PARG: variants seen among roughly 807,000 people sequenced by gnomAD.
PARG encodes mitochondrial poly(ADP-ribose) glycohydrolase.
In PARG, 35 loss-of-function variants were observed where a neutral mutation model predicts 113.0. The observed-to-expected ratio is 0.31, with a 90% confidence interval of 0.24 to 0.41. The LOEUF (loss-of-function observed/expected upper bound fraction) is 0.41. PARG is among the 10% of genes least tolerant of loss of function. The probability of loss-of-function intolerance (pLI) is 1.00; values close to 1 mark genes in which losing one functional copy is unlikely to be tolerated. For synonymous variants in PARG, 330 were observed against 409.9 expected, an observed-to-expected ratio of 0.81 and a Z score of 2.36; for missense variants, 797 against 1,169.4, an observed-to-expected ratio of 0.68 and a Z score of 4.64.
At chr10:49,891,141 T>C (rs1372099767) in intron 7 of PARG, among the ~76,000 whole-genome samples, 3 of 151,924 alleles carry the variant, frequency 2.0e-5, no homozygotes, top group African/African-American at 7.3e-5. Context: ...GGTGAAACCC[T>C]ATCTTTACTA....
chr10:49,866,192 T>C (rs1357533533), intron 10 of PARG, among the ~76,000 whole-genome samples: 3 of 152,144 alleles, frequency 2.0e-5, no homozygotes, highest in African/African-American at 7.2e-5. Context: ...CAGAAGTAAT[T>C]TGTCTGATTC....
At chr10:49,876,988 T>G (rs1176329376) in intron 9 of PARG, among the ~76,000 whole-genome samples, 1 of 151,248 alleles carries the variant, frequency 6.6e-6, no homozygotes, top group Non-Finnish European at 1.5e-5. Context: ...TTTAAAGAAA[T>G]TTTCTTAGAT....
At chr10:49,885,663 A>G (rs1443000367) in intron 7 of PARG, among the ~76,000 whole-genome samples, 1 of 150,794 alleles carries the variant, frequency 6.6e-6, no homozygotes, top group Non-Finnish European at 1.5e-5. Context: ...GCTAGACACC[A>G]AGGACTTTCT....
At chr10:49,914,547 G>A (rs1334774156) in intron 7 of PARG, among the ~76,000 whole-genome samples, 3 of 152,210 alleles carry the variant, frequency 2.0e-5, no homozygotes, top group African/African-American at 4.8e-5. Flanking sequence ...TTAACGTGAT[G>A]TAAGAGTTGC....
At chr10:49,846,372 T>C (rs1845508004) in intron 13 of PARG, among the ~76,000 whole-genome samples, 1 of 113,616 alleles carries the variant, frequency 8.8e-6, no homozygotes. Flanking sequence ...GTGATAGACA[T>C]GTTTTTTTTT....
chr10:49,835,201 G>C (rs1292051181), intron 15 of PARG, among the ~76,000 whole-genome samples: 1 of 152,150 alleles, frequency 6.6e-6, no homozygotes, highest in Non-Finnish European at 1.5e-5. Context: ...CACAGCGAAA[G>C]GCATTAGGAG....
At chr10:49,913,251 AT>A (rs1554846781) in intron 7 of PARG, among the ~76,000 whole-genome samples, 3 of 152,232 alleles carry the variant, frequency 2.0e-5, no homozygotes, top group Non-Finnish European at 2.9e-5. Flanking sequence ...CATCCAAGGT[AT>A]TTTGTTAAGT....
chr10:49,887,722 T>C (rs1488296472), intron 7 of PARG, among the ~76,000 whole-genome samples: 8 of 152,162 alleles, frequency 5.3e-5, no homozygotes, highest in Non-Finnish European at 1.0e-4. Context: ...AGAGGCACTT[T>C]GGTTGTTTTC....
intron 16 of PARG, among the ~76,000 whole-genome samples, chr10:49,822,003 C>G (rs1564589261): frequency 6.6e-6 from 1 of 152,060 alleles, no homozygotes; most frequent in Non-Finnish European, 1.5e-5. Flanking sequence ...ACAAGGTTTG[C>G]TTACCATAGT....
intron 11 of PARG, among the ~76,000 whole-genome samples, chr10:49,864,318 T>C (rs1387147767): frequency 1.3e-5 from 2 of 151,726 alleles, no homozygotes; most frequent in Non-Finnish European, 3.0e-5. Flanking sequence ...CCTCTATTAA[T>C]AATCATCTAA....
At chr10:49,853,888 C>A (rs1277630906) in intron 13 of PARG, among the ~76,000 whole-genome samples, 1 of 152,120 alleles carries the variant, frequency 6.6e-6, no homozygotes, top group Non-Finnish European at 1.5e-5. Flanking sequence ...CTCCTTTATC[C>A]ATGGGTGCTT....
intron 7 of PARG, among the ~76,000 whole-genome samples, chr10:49,898,594 AAC>A (rs1848208001): frequency 6.6e-6 from 1 of 151,370 alleles, no homozygotes; most frequent in Admixed American, 6.6e-5. Flanking sequence ...CCCTTGAACT[AAC>A]AGTCAAGCTC....
intron 7 of PARG, among the ~76,000 whole-genome samples, chr10:49,911,128 C>T (rs1469045693): frequency 6.6e-6 from 1 of 151,912 alleles, no homozygotes; most frequent in Admixed American, 6.6e-5. Context: ...ACTAAAAATA[C>T]AAAAATTAGC....
At position 49,922,668 on chromosome 10, in the gene PARG, A is replaced by C. The variant is rs1365987664; in HGVS notation, c.1457T>G (p.Val486Gly). Residue 486 changes from valine (V) to glycine (G), a missense_variant and splice_region_variant, in exon 5 of 18, where the codon GTA (valine) becomes GGA (glycine). By Grantham distance (109) the Val-to-Gly change is moderately radical. Transcript: ENST00000616448. ...PSANHTVTIR[V>G]DLLRAGEVPK... The stretch of plus-strand genomic sequence containing the variant: ...AACTTCTCCTGCTCGCAAAAGATCT[A>C]CCTGAAATTGAGGGTAAACAAAATT... 88 of 1,557,320 alleles carry C rather than the reference A, an allele frequency of 5.7e-5. No individual in the cohort carries two copies. Among genetic ancestry groups the C allele is most frequent in the Non-Finnish European group, 7.4e-5 (85 of 1,145,688 alleles).
rs1458480092 is a variant in PARG at position 49,928,507 on chromosome 10, G to A, written c.1455+3593C>T. 1.5e-4 allele frequency among the ~76,000 whole-genome samples: 23 copies of A among 152,084 alleles called. 1 individual carries two copies. Among genetic ancestry groups the A allele is most frequent in the Admixed American group, 1.3e-3 (20 of 15,258 alleles). The stretch of plus-strand genomic sequence containing the variant: ...GTTTGTTGGAAATCGACCACTAAGT[G>A]CAATTTCAGATTGCCTTACATTTCT... On this transcript the variant is annotated intron_variant, in intron 4 of 17. Coordinates refer to ENST00000616448, the MANE Select transcript of PARG (RefSeq NM_003631.5).
intron 15 of PARG, among the ~76,000 whole-genome samples, chr10:49,840,945 T>C (rs1554832149): frequency 1.3e-5 from 2 of 152,190 alleles, no homozygotes; most frequent in Non-Finnish European, 2.9e-5. Context: ...GTGTGAATAA[T>C]TTGTGGAACT....
chr10:49,914,542 G>C (rs1407769250), intron 7 of PARG, among the ~76,000 whole-genome samples: 1 of 152,182 alleles, frequency 6.6e-6, no homozygotes, highest in Non-Finnish European at 1.5e-5. Flanking sequence ...TTCTATTAAC[G>C]TGATGTAAGA....
intron 7 of PARG, among the ~76,000 whole-genome samples, chr10:49,904,964 G>A (rs1848508893): frequency 6.6e-6 from 1 of 151,826 alleles, no homozygotes; most frequent in Non-Finnish European, 1.5e-5. Context: ...TTGCAGAAGT[G>A]ATAGTCATGC....
In PARG at chr10:49,934,264, T is replaced by A. The variant is rs1329384081; in HGVS notation, c.285-101A>T. The A allele has an allele frequency of 4.7e-6, 3 of 644,362 alleles. No homozygotes were observed. In the African/African-American group the frequency reaches 5.5e-5, roughly 12 times the overall value. The allele number at this position is 644,362 out of a possible 1,614,324, so 39.9% of individuals were successfully genotyped here. A position where few individuals can be genotyped will look rare whatever the true frequency, so the allele number is the denominator to read the frequency against. Reference sequence around the variant, plus strand: ...ACAGCAGTAATTAAACTCCCTGTGGTCAGCTGAGCACACAGCATGTCTTCT... The same window carrying A: ...ACAGCAGTAATTAAACTCCCTGTGGACAGCTGAGCACACAGCATGTCTTCT... On this transcript the variant is annotated intron_variant, in intron 2 of 17. Coordinates refer to ENST00000616448, the MANE Select transcript of PARG (RefSeq NM_003631.5).
Sources: gnomAD v4.1 joint callset for allele counts (sites outside exome capture counted in the v4.1 genomes callset) on GRCh38, gnomAD v4.1.1 for gene constraint, MANE v1.5 for transcripts, NCBI Gene and HGNC (gene_info 2026-07-23, HGNC 2026-07-21) for gene names.